Variants in PCDHA8 observed in about 807,000 individuals in gnomAD.
The protein encoded by PCDHA8 is protocadherin alpha-8.
Under a neutral mutation model 61.8 loss-of-function variants are expected in PCDHA8, and 53 were observed. The observed-to-expected ratio is 0.86, with a 90% CI of 0.69 to 1.08. The LOEUF is 1.08. Ranked by LOEUF, PCDHA8 falls within the 50% of genes least tolerant of loss-of-function variation. PCDHA8 has a pLI of 0.00. For missense variants in PCDHA8, 1,293 were observed against 1,245.0 expected, an observed-to-expected ratio of 1.04 and a Z score of -0.58; for synonymous variants, 618 against 556.6, an observed-to-expected ratio of 1.11 and a Z score of -1.55.
chr5:140,947,872 T>C (rs2094186307), intron 1 of PCDHA8, among the ~76,000 whole-genome samples: 1 of 151,588 alleles, frequency 6.6e-6, no homozygotes, highest in Admixed American at 6.6e-5. Context: ...GGCTAGGACT[T>C]CCAGGACAAT....
In PCDHA8 at chr5:140,841,315, A is replaced by G; in HGVS notation, c.-7A>G. On this transcript the variant is annotated 5_prime_UTR_variant, in exon 1 of 4. Transcript: ENST00000531613. Reference sequence around the variant, plus strand: ...TAATATTTTCTGATAGGAAACGACTATTTAACATGGATTATCACTGGCGAG... The same window carrying G: ...TAATATTTTCTGATAGGAAACGACTGTTTAACATGGATTATCACTGGCGAG... 1.3e-6 allele frequency: 2 copies of G among 1,599,632 alleles called. No individual in the cohort carries two copies. The highest frequency in any genetic ancestry group is 1.1e-5 in the South Asian group (1 of 89,482).
chr5:141,008,594 C>A (rs1018305560), intron 3 of PCDHA8, among the ~76,000 whole-genome samples: 1 of 152,214 alleles, frequency 6.6e-6, no homozygotes, highest in African/African-American at 2.4e-5. Context: ...GCAGATTTCA[C>A]CTCCTCTGGA....
At chr5:140,926,899 G>T (rs1554203765) in intron 1 of PCDHA8, 28 of 1,552,028 alleles carry the variant, frequency 1.8e-5, no homozygotes, top group Non-Finnish European at 2.4e-5. Context: ...GAGGATGGTG[G>T]GCTGTGGGGT....
intron 1 of PCDHA8, chr5:140,856,396 C>G: frequency 6.3e-7 from 1 of 1,598,526 alleles, no homozygotes. Flanking sequence ...TGCAGGTTTT[C>G]CATGTGGACG....
At chr5:140,982,585 A>G (rs782780327) in intron 3 of PCDHA8, 22 bp downstream of exon 3, 1 of 1,611,974 alleles carries the variant, frequency 6.2e-7, no homozygotes, top group Non-Finnish European at 8.5e-7. Context: ...GGGTCTCTCC[A>G]TTCTTTCTTG....
intron 1 of PCDHA8, among the ~76,000 whole-genome samples, chr5:140,974,533 C>T (rs540810616): frequency 1.5e-4 from 23 of 152,160 alleles, no homozygotes; most frequent in Middle Eastern, 6.8e-3. Flanking sequence ...TTTTTTGAGA[C>T]GGAGTTTTGC....
chr5:140,867,634 A>G (rs2050082134), intron 1 of PCDHA8: 1 of 152,166 alleles, frequency 6.6e-6, no homozygotes, highest in Admixed American at 6.5e-5. Flanking sequence ...TATTTAAGCT[A>G]GAGTGATATT....
intron 1 of PCDHA8, chr5:140,927,266 C>T (rs1554204259): frequency 6.2e-7 from 1 of 1,614,146 alleles, no homozygotes. Flanking sequence ...CCTCTCTTTC[C>T]TGCCGGCGAC....
Position 140,853,860 on chromosome 5 carries a change from C to T in PCDHA8, c.2394+10145C>T, listed in dbSNP as rs2042890748. The T allele has an allele frequency of 9.1e-6, 9 of 984,410 alleles. No individual in the cohort carries two copies. In the South Asian group the frequency reaches 3.3e-4, roughly 36 times the overall value. The allele number at this position is 984,410 out of a possible 1,614,324, so 61.0% of individuals were successfully genotyped here. On this transcript the variant is annotated intron_variant, in intron 1 of 3. Coordinates refer to ENST00000531613, the MANE Select transcript of PCDHA8 (RefSeq NM_018911.3). ...TTTAGATCCATAGCCCTATTTGATA[C>T]TTGACAGTGCAAGTTTCTGTAATTT...
At chr5:140,914,116 A>T (rs2076611706) in intron 1 of PCDHA8, among the ~76,000 whole-genome samples, 1 of 152,128 alleles carries the variant, frequency 6.6e-6, no homozygotes. Flanking sequence ...ATTAAGTCTG[A>T]TGTTTCTTTG....
intron 1 of PCDHA8, chr5:140,856,553 T>C (rs1319185539): frequency 6.3e-7 from 1 of 1,598,066 alleles, no homozygotes; most frequent in African/African-American, 1.3e-5. Context: ...ATTGCTTACT[T>C]ACAAACTCAG....
At chr5:140,884,487 T>G (rs374963144) in intron 1 of PCDHA8, 3 of 1,613,832 alleles carry the variant, frequency 1.9e-6, no homozygotes, top group Non-Finnish European at 1.7e-6. Flanking sequence ...CCCACTCTAG[T>G]GTGCTCCAGC....
In PCDHA8 at chr5:140,848,948, G is replaced by C. The variant is rs2150426215; in HGVS notation, c.2394+5233G>C. ...CGGAATCCAGGCCGCTTGACTCTCG[G>C]TTTCCACTAGAGGGCGCGTCCGATG... On this transcript the variant is annotated intron_variant, in intron 1 of 3. Coordinates refer to ENST00000531613, the MANE Select transcript of PCDHA8 (RefSeq NM_018911.3). 8.1e-6 allele frequency: 13 copies of C among 1,607,010 alleles called. No homozygotes were observed. The African/African-American group carries it at 1.8e-4, about 22-fold the overall frequency.
rs1319882145 is a variant in PCDHA8, at chr5:140,858,933, A to G, written c.2394+15218A>G. ...GCTTATACTGCCATAGTAGATTTCA[A>G]TGTTCAGTGATTACAGCTTTTTCTC... is the stretch of plus-strand genomic sequence containing the variant. On this transcript the variant is annotated intron_variant, in intron 1 of 3. Transcript: ENST00000531613. The G allele has an allele frequency of 6.2e-5, 10 of 160,710 alleles. 1 individual carries two copies. The highest frequency in any genetic ancestry group is 2.4e-4 in the African/African-American group (10 of 41,146). The allele number at this position is 160,710 out of a possible 1,614,324, so 10.0% of individuals were successfully genotyped here. A position where few individuals can be genotyped will look rare whatever the true frequency, so the allele number is the denominator to read the frequency against.
chr5:140,882,737 G>C lies in PCDHA8; in HGVS notation c.2394+39022G>C, dbSNP rs1375859660. The C allele has an allele frequency of 3.7e-6, 6 of 1,614,090 alleles. No homozygotes were observed. In the East Asian group the frequency reaches 1.1e-4, roughly 30 times the overall value. ...GGAAACTCGATTTCCACTAGATGGC[G>C]CATCCGATGCAGATATTGGAGTAAA... On this transcript the variant is annotated intron_variant, in intron 1 of 3. Transcript: ENST00000531613.
rs1554140693 is a variant in PCDHA8, at chr5:140,844,620, C to G, written c.2394+905C>G. On this transcript the variant is annotated intron_variant, in intron 1 of 3. Coordinates refer to ENST00000531613, the MANE Select transcript of PCDHA8 (RefSeq NM_018911.3). Reference sequence around the variant, plus strand: ...ATATGACTTAGAAAAATGTTTTCATCAGAAAAACTATACATGATAATTTCA... The same window carrying G: ...ATATGACTTAGAAAAATGTTTTCATGAGAAAAACTATACATGATAATTTCA... Among the ~76,000 whole-genome samples, 3 of 149,238 alleles carry G rather than the reference C, an allele frequency of 2.0e-5. 1 individual carries two copies. Among genetic ancestry groups the G allele is most frequent in the Non-Finnish European group, 3.0e-5 (2 of 66,778 alleles).
chr5:140,856,328 C>A, intron 1 of PCDHA8: 1 of 1,598,592 alleles, frequency 6.3e-7, no homozygotes. Context: ...CCGCGAGGAG[C>A]TGTGCGGGCG....
In PCDHA8 at chr5:140,841,894, G is replaced by T. The variant is rs2150324994; in HGVS notation, c.573G>T (p.Leu191=). 6.2e-7 allele frequency: 1 copy of T among 1,613,814 alleles called. No individual in the cohort carries two copies. Among genetic ancestry groups the T allele is most frequent in the Non-Finnish European group, 8.5e-7 (1 of 1,179,824 alleles). The change falls in exon 1 of 4, where the codon CTG becomes CTT. Residue 191 remains leucine, a synonymous_variant. Coordinates refer to ENST00000531613, the MANE Select transcript of PCDHA8 (RefSeq NM_018911.3). ...ATTCAAAGAACGATGAGAATAAACT[G>T]GTTGAGCTCGTATTAAGAAAATCCT... ...DVNSKNDENK[L]VELVLRKSLD... is the part of the protein sequence containing the mutation.
chr5:140,969,292 C>G, intron 1 of PCDHA8: 2 of 1,614,208 alleles, frequency 1.2e-6, no homozygotes, highest in Non-Finnish European at 1.7e-6. Context: ...ATGCTGGGAA[C>G]CTGATTATTC....
Sources: gnomAD v4.1 joint callset for allele counts (sites outside exome capture counted in the v4.1 genomes callset) on GRCh38, gnomAD v4.1.1 for gene constraint, MANE v1.5 for transcripts, NCBI Gene and HGNC (gene_info 2026-07-23, HGNC 2026-07-21) for gene names.